KCNH7: variants seen among roughly 807,000 people sequenced by gnomAD.
KCNH7 encodes potassium voltage-gated channel subfamily H member 7, also known as voltage-gated inwardly rectifying potassium channel KCNH7.
A neutral mutation model predicts 120.8 loss-of-function variants in KCNH7; 49 were observed. The ratio of observed to expected loss-of-function variants is 0.41; its 90% confidence interval spans 0.32 to 0.51. The LOEUF is 0.51. Among genes scored for constraint, KCNH7 ranks in the 20% least tolerant of loss-of-function variants. The pLI, the probability that KCNH7 is intolerant of heterozygous loss-of-function variation, is 0.38. For missense variants in KCNH7, 1,097 were observed against 1,446.6 expected, an observed-to-expected ratio of 0.76 and a Z score of 3.92; for synonymous variants, 547 against 516.1, an observed-to-expected ratio of 1.06 and a Z score of -0.81.
chr2:162,641,105 G>T (rs1477711279), intron 2 of KCNH7, among the ~76,000 whole-genome samples: 2 of 152,136 alleles, frequency 1.3e-5, no homozygotes, highest in African/African-American at 4.8e-5. Flanking sequence ...CAGCCATTAT[G>T]GAAATCAGTT....
At chr2:162,824,438 A>G (rs949870845) in intron 2 of KCNH7, among the ~76,000 whole-genome samples, 2 of 152,098 alleles carry the variant, frequency 1.3e-5, no homozygotes, top group Admixed American at 6.6e-5. Context: ...GAGAACAGCA[A>G]TCTGGGAATC....
chr2:162,785,867 T>C (rs184498568), intron 2 of KCNH7, among the ~76,000 whole-genome samples: 5 of 152,322 alleles, frequency 3.3e-5, no homozygotes, highest in African/African-American at 1.2e-4. Context: ...GAATTGTAAC[T>C]GTACCACTCT....
chr2:162,738,579 C>G (rs991434605), intron 2 of KCNH7, among the ~76,000 whole-genome samples: 1 of 152,020 alleles, frequency 6.6e-6, no homozygotes, highest in African/African-American at 2.4e-5. Flanking sequence ...AACAAGAGAC[C>G]CACAGGAAAC....
intron 6 of KCNH7, among the ~76,000 whole-genome samples, chr2:162,458,396 A>G (rs1428081815): frequency 6.6e-6 from 1 of 152,104 alleles, no homozygotes; most frequent in Non-Finnish European, 1.5e-5. Context: ...GCCACCCACC[A>G]GCAACATAAT....
chr2:162,820,519 T>A (rs2105591161), intron 2 of KCNH7, among the ~76,000 whole-genome samples: 1 of 152,246 alleles, frequency 6.6e-6, no homozygotes, highest in Non-Finnish European at 1.5e-5. Flanking sequence ...TTTCATCACA[T>A]ACAATGACCT....
In KCNH7 at chr2:162,518,138, A is replaced by G; in HGVS notation, c.484T>C (p.Phe162Leu). 1 of 1,608,576 alleles carries G rather than the reference A, an allele frequency of 6.2e-7. No individual in the cohort carries two copies. The highest frequency in any genetic ancestry group is 8.5e-7 in the Non-Finnish European group (1 of 1,176,640). Residue 162 changes from phenylalanine (F) to leucine (L), a missense_variant, in exon 4 of 16, where the codon TTC becomes CTC. Phe to Leu is a conservative substitution (Grantham distance 22, BLOSUM62 0). Around this residue, in one of 8 missense-constraint regions of KCNH7, gnomAD observed 362 missense variants for 372.2 expected, o/e 0.97. Transcript: ENST00000332142. Reference sequence around the variant, plus strand: ...TAAGTGAGAACTCTCAGACCAGGGAATTTGAACCCAAAAAATTTCCCTATA... The same window carrying G: ...TAAGTGAGAACTCTCAGACCAGGGAGTTTGAACCCAAAAAATTTCCCTATA... The part of the protein sequence containing the change: ...TVNRKFFGFK[F>L]PGLRVLTYRK...
intron 2 of KCNH7, among the ~76,000 whole-genome samples, chr2:162,623,781 G>C (rs1398188557): frequency 2.0e-5 from 3 of 152,092 alleles, no homozygotes; most frequent in African/African-American, 7.2e-5. Flanking sequence ...AATGCGCCTG[G>C]TACACATGAT....
intron 6 of KCNH7, among the ~76,000 whole-genome samples, chr2:162,466,419 G>T (rs149124078): frequency 6.6e-6 from 1 of 152,170 alleles, no homozygotes; most frequent in African/African-American, 2.4e-5. Flanking sequence ...GCGGCAGGAC[G>T]GAGAAGTGCC....
At chr2:162,795,847 A>C (rs1283637237) in intron 2 of KCNH7, 1 of 152,042 alleles carries the variant, frequency 6.6e-6, no homozygotes, top group Non-Finnish European at 1.5e-5. Flanking sequence ...CCCTATAAAC[A>C]AATCTAGGAG....
chr2:162,819,719 G>C lies in KCNH7; in HGVS notation c.307+16818C>G, dbSNP rs189721637. Reference sequence around the variant, plus strand: ...TTGGAGGCAGGACAATATTTCCCTAGAATAAAGAGTTGGGGGAAAAGGCAG... The same window carrying C: ...TTGGAGGCAGGACAATATTTCCCTACAATAAAGAGTTGGGGGAAAAGGCAG... On this transcript the variant is annotated intron_variant, in intron 2 of 15. Transcript: ENST00000332142. 4.6e-5 allele frequency among the ~76,000 whole-genome samples: 7 copies of C among 152,146 alleles called. No homozygotes were observed. The East Asian group carries it at 1.4e-3, about 29-fold the overall frequency.
intron 1 of KCNH7, among the ~76,000 whole-genome samples, chr2:162,837,785 T>G (rs1306529925): frequency 6.6e-6 from 1 of 152,212 alleles, no homozygotes; most frequent in Non-Finnish European, 1.5e-5. Flanking sequence ...TACACTTCAA[T>G]TTTTAAATTT....
chr2:162,446,073 T>C lies in KCNH7; in HGVS notation c.1499A>G (p.Asp500Gly). ...GTCAAAAGGAATTGCTGCAACCATG[T>C]CAATCAGGAACCAGCCTTTGAAGTA... ...IHYFKGWFLI[D>G]MVAAIPFDLL... The change falls in exon 7 of 16, where the codon GAC (aspartate) becomes GGC (glycine). Residue 500 changes from aspartate to glycine, a missense_variant. Physicochemically the swap from Asp to Gly is moderately conservative, Grantham distance 94 (BLOSUM62 -1). Around this residue, in one of 8 missense-constraint regions of KCNH7, gnomAD observed 109 missense variants for 196.8 expected, o/e 0.55. Coordinates refer to ENST00000332142, the MANE Select transcript of KCNH7 (RefSeq NM_033272.4). 6.2e-7 allele frequency: 1 copy of C among 1,613,872 alleles called. No individual in the cohort carries two copies.
At chr2:162,501,983 T>C (rs1256149097) in intron 6 of KCNH7, 1 of 152,078 alleles carries the variant, frequency 6.6e-6, no homozygotes, top group East Asian at 1.9e-4. Flanking sequence ...TGCAAAGCTT[T>C]TGATGGAAAC....
At chr2:162,810,550 T>C (rs906224730) in intron 2 of KCNH7, among the ~76,000 whole-genome samples, 1 of 152,198 alleles carries the variant, frequency 6.6e-6, no homozygotes, top group African/African-American at 2.4e-5. Context: ...AGGAAAGGTA[T>C]GTTTATATTT....
chr2:162,763,370 C>T (rs191054448), intron 2 of KCNH7, among the ~76,000 whole-genome samples: 5 of 152,174 alleles, frequency 3.3e-5, no homozygotes, highest in South Asian at 2.1e-4. Context: ...TTCCACTTAA[C>T]GATATACCAA....
In KCNH7 at chr2:162,591,251, T is replaced by A. The variant is rs117222779; in HGVS notation, c.308-54171A>T. Reference sequence around the variant, plus strand: ...TTATTTTTATGCATTTCTTTTATTTTTCTTTATTTTTTGTGTCTTATCACA... The same window carrying A: ...TTATTTTTATGCATTTCTTTTATTTATCTTTATTTTTTGTGTCTTATCACA... On this transcript the variant is annotated intron_variant, in intron 2 of 15. Coordinates refer to ENST00000332142, the MANE Select transcript of KCNH7 (RefSeq NM_033272.4). Among the ~76,000 whole-genome samples the A allele has an allele frequency of 1.3e-3, 195 of 151,418 alleles. 7 individuals carry two copies. In the East Asian group the frequency reaches 0.037, roughly 29 times the overall value.
At chr2:162,791,435 CTGTT>C (rs762353836) in intron 2 of KCNH7, among the ~76,000 whole-genome samples, 1 of 151,846 alleles carries the variant, frequency 6.6e-6, no homozygotes, top group African/African-American at 2.4e-5. Flanking sequence ...GTTTTTCTAT[CTGTT>C]TGTGTCACCT....
At chr2:162,426,616 T>C (rs371374992) in intron 8 of KCNH7, among the ~76,000 whole-genome samples, 2 of 152,150 alleles carry the variant, frequency 1.3e-5, no homozygotes, top group Non-Finnish European at 2.9e-5. Flanking sequence ...ACCATACTAA[T>C]ATATTTGGTT....
chr2:162,709,514 T>G (rs1019800206), intron 2 of KCNH7, among the ~76,000 whole-genome samples: 4 of 152,106 alleles, frequency 2.6e-5, no homozygotes, highest in Non-Finnish European at 5.9e-5. Context: ...ATTGCTCACA[T>G]AAGATGGTGG....
Sources: gnomAD v4.1 joint callset for allele counts (sites outside exome capture counted in the v4.1 genomes callset) on GRCh38, gnomAD v4.1.1 for gene constraint, gnomAD v4.1.1 regional missense constraint, MANE v1.5 for transcripts, NCBI Gene and HGNC (gene_info 2026-07-23, HGNC 2026-07-21) for gene names.